The following PCDH7 variants were observed in gnomAD, a reference collection of about 807,000 sequenced individuals.
PCDH7 encodes protocadherin 7.
PCDH7 carries 17 observed loss-of-function variants against 58.9 expected under a neutral mutation model. That is an observed-to-expected ratio of 0.29 (90% CI 0.20 to 0.43). The LOEUF is 0.43. Ranked by LOEUF, PCDH7 falls within the 20% of genes least tolerant of loss-of-function variation. The pLI is 1.00. For synonymous variants in PCDH7, 664 were observed against 616.4 expected, an observed-to-expected ratio of 1.08 and a Z score of -1.14; for missense variants, 1,274 against 1,441.0, an observed-to-expected ratio of 0.88 and a Z score of 1.88.
In PCDH7 at chr4:30,951,057, ACT is replaced by A. The variant is rs1228502868; in HGVS notation, c.*7+848_*7+849del. ...ATCAGGCTTTGCTTATAGTCTTGTG[ACT>A]CTCTCAGGTTCTTTGAGACACATGA... On this transcript the variant is annotated intron_variant, in intron 3 of 3. Coordinates refer to the PCDH7 transcript ENST00000509759. Among the ~76,000 whole-genome samples, 11 of 151,888 alleles carry A rather than the reference ACT, an allele frequency of 7.2e-5. No homozygotes were observed. In the East Asian group the frequency reaches 2.1e-3, roughly 29 times the overall value.
chr4:31,103,444 C>T (rs901367708), intron 3 of PCDH7, among the ~76,000 whole-genome samples: 6 of 152,000 alleles, frequency 3.9e-5, no homozygotes, highest in Non-Finnish European at 7.4e-5. Context: ...GTTCAATTCT[C>T]GTGCCTCAGC....
At chr4:31,057,607 A>C (rs1307358532) in intron 3 of PCDH7, among the ~76,000 whole-genome samples, 2 of 152,196 alleles carry the variant, frequency 1.3e-5, no homozygotes, top group Non-Finnish European at 2.9e-5. Context: ...CTAAGAATGA[A>C]CAAGAAAATC....
intron 2 of PCDH7, among the ~76,000 whole-genome samples, chr4:30,927,096 G>T (rs1560507733): frequency 6.6e-6 from 1 of 152,118 alleles, no homozygotes; most frequent in Non-Finnish European, 1.5e-5. Flanking sequence ...AGTGACTTTG[G>T]AGGTCAGTTA....
At chr4:30,727,950 A>G (rs1333243406) in intron 1 of PCDH7, among the ~76,000 whole-genome samples, 1 of 151,838 alleles carries the variant, frequency 6.6e-6, no homozygotes, top group Non-Finnish European at 1.5e-5. Flanking sequence ...ATTTTATTGT[A>G]TTTAGTAAAT....
intron 1 of PCDH7, among the ~76,000 whole-genome samples, chr4:30,864,763 C>T (rs895055883): frequency 1.3e-5 from 2 of 151,996 alleles, no homozygotes; most frequent in African/African-American, 4.8e-5. Context: ...AATGTGTAAA[C>T]ATCTCAGAGT....
At chr4:30,757,152 T>G (rs1422695080) in intron 1 of PCDH7, among the ~76,000 whole-genome samples, 1 of 152,210 alleles carries the variant, frequency 6.6e-6, no homozygotes, top group Admixed American at 6.5e-5. Context: ...GACAGTTGGT[T>G]TCTGTATTTG....
At chr4:30,909,717 G>A (rs531048366) in intron 1 of PCDH7, among the ~76,000 whole-genome samples, 4 of 152,270 alleles carry the variant, frequency 2.6e-5, no homozygotes, top group African/African-American at 9.6e-5. Flanking sequence ...TCATGGGTAG[G>A]ATGAATCAAT....
chr4:30,996,269 G>A (rs1475565582), intron 3 of PCDH7, among the ~76,000 whole-genome samples: 1 of 152,120 alleles, frequency 6.6e-6, no homozygotes, highest in Non-Finnish European at 1.5e-5. Flanking sequence ...ATGAACAAAT[G>A]AAGTTATCCA....
intron 1 of PCDH7, among the ~76,000 whole-genome samples, chr4:30,845,696 C>T (rs1302034838): frequency 6.6e-5 from 10 of 152,116 alleles, no homozygotes; most frequent in Admixed American, 6.6e-4. Context: ...AACTCCTGGA[C>T]TCAAGCCATC....
At chr4:31,062,354 C>T (rs1757753385) in intron 3 of PCDH7, among the ~76,000 whole-genome samples, 1 of 151,644 alleles carries the variant, frequency 6.6e-6, no homozygotes, top group Admixed American at 6.6e-5. Context: ...TCAAGTAATA[C>T]ATAAAGGAAC....
chr4:31,080,862 G>C (rs1394004702), intron 3 of PCDH7, among the ~76,000 whole-genome samples: 1 of 152,182 alleles, frequency 6.6e-6, no homozygotes, highest in East Asian at 1.9e-4. Context: ...CATGGGGGCA[G>C]TTTTCTCCAT....
intron 3 of PCDH7, among the ~76,000 whole-genome samples, chr4:30,966,670 G>A (rs1313811559): frequency 6.6e-6 from 1 of 151,860 alleles, no homozygotes; most frequent in Admixed American, 6.6e-5. Flanking sequence ...ACCAACTTTA[G>A]CCCAAAGGTT....
chr4:30,888,291 T>TAC (rs937313566), intron 1 of PCDH7, among the ~76,000 whole-genome samples: 1 of 141,336 alleles, frequency 7.1e-6, no homozygotes, highest in South Asian at 2.1e-4. Flanking sequence ...CACACACACA[T>TAC]ACACACACAC....
intron 1 of PCDH7, among the ~76,000 whole-genome samples, chr4:30,863,611 C>T (rs578066249): frequency 1.3e-5 from 2 of 152,200 alleles, no homozygotes; most frequent in African/African-American, 4.8e-5. Context: ...AGCATAAAAG[C>T]TGTTCCATAA....
rs531223370 is a variant in PCDH7 at position 30,753,513 on chromosome 4, G to A, written c.70+28917G>A. ...CATTTCTTAGGCAGGCACTTAGTAC[G>A]TGCAAAGGCTAGCAGTAGCACGCCA... On this transcript the variant is annotated intron_variant, in intron 1 of 3. Coordinates refer to the PCDH7 transcript ENST00000509759. Among the ~76,000 whole-genome samples, 120 of 152,282 alleles carry A rather than the reference G, an allele frequency of 7.9e-4. 1 individual carries two copies. The highest frequency in any genetic ancestry group is 2.2e-3 in the African/African-American group (93 of 41,558).
chr4:30,993,125 C>T (rs1751599078), intron 3 of PCDH7, among the ~76,000 whole-genome samples: 1 of 152,122 alleles, frequency 6.6e-6, no homozygotes, highest in African/African-American at 2.4e-5. Flanking sequence ...GATAGACAAC[C>T]CTCAGAGAGC....
chr4:30,881,898 A>G (rs533313735), intron 1 of PCDH7, among the ~76,000 whole-genome samples: 6 of 152,238 alleles, frequency 3.9e-5, no homozygotes, highest in African/African-American at 1.4e-4. Context: ...ATTTTAGCAA[A>G]GCTGAGATAT....
rs568725952 is a variant in PCDH7, at chr4:31,045,400, A to G, written c.*7+95185A>G. On this transcript the variant is annotated intron_variant, in intron 3 of 3. Transcript: ENST00000509759. Reference sequence around the variant, plus strand: ...TGTGTATGTGTGTCAAAGGGACAATATGAAGAGCCAGAGAGCCATTTCCGT... The same window carrying G: ...TGTGTATGTGTGTCAAAGGGACAATGTGAAGAGCCAGAGAGCCATTTCCGT... 1.7e-4 allele frequency among the ~76,000 whole-genome samples: 26 copies of G among 152,118 alleles called. 2 individuals carry two copies. In the South Asian group the frequency reaches 5.4e-3, roughly 32 times the overall value.
chr4:30,730,551 G>A (rs191207681), intron 1 of PCDH7, among the ~76,000 whole-genome samples: 6 of 152,220 alleles, frequency 3.9e-5, no homozygotes, highest in Admixed American at 2.0e-4. Context: ...AGCTATTAAA[G>A]CTCCCAGGTA....
Sources: allele counts gnomAD v4.1 joint callset (sites outside exome capture counted in the v4.1 genomes callset), GRCh38; gene constraint gnomAD v4.1.1; transcripts MANE v1.5; gene names NCBI Gene and HGNC (gene_info 2026-07-23, HGNC 2026-07-21).